CACNA1H: variants seen among roughly 807,000 people sequenced by gnomAD.
The protein encoded by CACNA1H is calcium voltage-gated channel subunit alpha1 H.
Under a neutral mutation model 192.5 loss-of-function variants are expected in CACNA1H, and 149 were observed. The observed-to-expected ratio is 0.77, with a 90% confidence interval of 0.68 to 0.89. CACNA1H has a LOEUF of 0.89. Among genes scored for constraint, CACNA1H ranks in the 40% least tolerant of loss-of-function variants. The pLI, the probability that CACNA1H is intolerant of heterozygous loss-of-function variation, is 0.00. For synonymous variants in CACNA1H, 2,202 were observed against 1,475.2 expected (o/e 1.49, Z -11.29); for missense variants, 4,257 against 3,423.5 (o/e 1.24, Z -6.08).
At chr16:1,160,383 G>A (rs1477827090) in intron 2 of CACNA1H, among the ~76,000 whole-genome samples, 3 of 152,214 alleles carry the variant, frequency 2.0e-5, no homozygotes, top group African/African-American at 7.2e-5. Flanking sequence ...AAGGGGTGAA[G>A]TCAGCCGGTC....
At position 1,195,481 on chromosome 16, in the gene CACNA1H, A is replaced by G. The variant is rs1377595127; in HGVS notation, c.461A>G (p.Lys154Arg). 6.3e-7 allele frequency: 1 copy of G among 1,588,130 alleles called. No homozygotes were observed. The highest frequency in any genetic ancestry group is 1.3e-5 in the African/African-American group (1 of 74,428). Residue 154 changes from lysine (K) to arginine (R), a missense_variant, in exon 4 of 35, where the codon AAG becomes AGG. Physicochemically the swap from Lys to Arg is conservative, Grantham distance 26. Transcript: ENST00000348261. ...TTTTTTGCGGTGGAGATGGTCATCA[A>G]GATGGTGGCCTTGGGGCTGTTCGGG... ...FAFFAVEMVI[K>R]MVALGLFGQK...
chr16:1,162,554 T>C (rs2151657165), intron 2 of CACNA1H, among the ~76,000 whole-genome samples: 1 of 151,314 alleles, frequency 6.6e-6, no homozygotes, highest in African/African-American at 2.4e-5. Flanking sequence ...GAGCCTCGGT[T>C]GGCACGGGGG....
At chr16:1,168,969 G>C (rs1964084664) in intron 2 of CACNA1H, among the ~76,000 whole-genome samples, 1 of 152,144 alleles carries the variant, frequency 6.6e-6, no homozygotes, top group Admixed American at 6.5e-5. Context: ...GGGTGAGTCT[G>C]CCCACAGTGG....
At chr16:1,215,127 TCTGGGGG>T (rs1045748807) in intron 28 of CACNA1H, 46 bp downstream of exon 28, 5 of 1,586,426 alleles carry the variant, frequency 3.2e-6, no homozygotes, top group South Asian at 2.3e-5. Flanking sequence ...CCCTCAGGGC[TCTGGGGG>T]CTGGGGGCAG....
chr16:1,174,786 C>T (rs942576952), intron 2 of CACNA1H, among the ~76,000 whole-genome samples: 1 of 152,244 alleles, frequency 6.6e-6, no homozygotes, highest in African/African-American at 2.4e-5. Flanking sequence ...GTTGGTGGAT[C>T]GATTCAGACA....
intron 11 of CACNA1H, 82 bp from the exon 12 acceptor site, chr16:1,206,022 C>A: frequency 1.5e-6 from 2 of 1,364,350 alleles, no homozygotes; most frequent in Non-Finnish European, 2.0e-6. Flanking sequence ...GGCTCCCTGG[C>A]TGGTGACCCT....
Position 1,153,342 on chromosome 16 carries a change from G to T in CACNA1H, c.-147G>T, listed in dbSNP as rs1961823562. On this transcript the variant is annotated 5_prime_UTR_variant, in exon 1 of 35. Coordinates refer to ENST00000348261, the MANE Select transcript of CACNA1H (RefSeq NM_021098.3). ...GACGCGGGCCGGGGGCGGAGGCGCT[G>T]GGGGCCGGGGCCGGGGCCGGGGGCG... The T allele has an allele frequency of 9.9e-6, 1 of 101,484 alleles. No individual in the cohort carries two copies. Among genetic ancestry groups the T allele is most frequent in the Non-Finnish European group, 2.4e-5 (1 of 40,946 alleles). The allele number at this position is 101,484 out of a possible 1,614,324, so 6.3% of individuals were successfully genotyped here.
intron 2 of CACNA1H, among the ~76,000 whole-genome samples, chr16:1,175,623 C>T (rs1253522841): frequency 6.6e-6 from 1 of 152,238 alleles, no homozygotes; most frequent in Non-Finnish European, 1.5e-5. Flanking sequence ...CGTCCATTTA[C>T]TCTCATGTCC....
intron 16 of CACNA1H, 82 bp from the exon 17 acceptor site, chr16:1,208,950 T>C: frequency 7.5e-7 from 1 of 1,324,586 alleles, no homozygotes; most frequent in Non-Finnish European, 9.8e-7. Flanking sequence ...ACGTGTGGCT[T>C]GCACACAGTG....
chr16:1,193,654 G>A (rs577161476), intron 2 of CACNA1H, among the ~76,000 whole-genome samples: 8 of 152,326 alleles, frequency 5.3e-5, no homozygotes, highest in Non-Finnish European at 8.8e-5. Flanking sequence ...CAGCAGAGGC[G>A]CCTGTTACCG....
In CACNA1H at chr16:1,216,959, C is replaced by G. The variant is rs750972279; in HGVS notation, c.5272C>G (p.Leu1758Val). Residue 1758 changes from leucine to valine, a missense_variant, in exon 31 of 35, where the codon CTC becomes GTC. Leu to Val is a conservative substitution (Grantham distance 32, BLOSUM62 1). Coordinates refer to ENST00000348261, the MANE Select transcript of CACNA1H (RefSeq NM_021098.3). Reference sequence around the variant, plus strand: ...GGGGAACCTGGGCCTTCTTTTCATGCTCCTGTTTTTTATCTATGCTGCGCT... The same window carrying G: ...GGGGAACCTGGGCCTTCTTTTCATGGTCCTGTTTTTTATCTATGCTGCGCT... ...QVGNLGLLFM[L>V]LFFIYAALGV... is the part of the protein sequence containing the mutation. 1.9e-6 allele frequency: 3 copies of G among 1,605,426 alleles called. No homozygotes were observed. Among genetic ancestry groups the G allele is most frequent in the South Asian group, 2.2e-5 (2 of 89,232 alleles).
chr16:1,200,625 G>A (rs1241427732), intron 7 of CACNA1H, 54 bp downstream of exon 7: 13 of 1,597,374 alleles, frequency 8.1e-6, no homozygotes, highest in Admixed American at 6.7e-5. Flanking sequence ...GGGAGCGGGT[G>A]CAGGACTCGC....
intron 2 of CACNA1H, among the ~76,000 whole-genome samples, chr16:1,173,282 G>A (rs1964545362): frequency 6.6e-6 from 1 of 152,120 alleles, no homozygotes; most frequent in Non-Finnish European, 1.5e-5. Context: ...GGGTGGCATC[G>A]GGAGGCCCAG....
chr16:1,198,501 C>T (rs557437659), intron 5 of CACNA1H, 114 bp from the exon 6 acceptor site: 79 of 1,116,722 alleles, frequency 7.1e-5, no homozygotes, highest in Middle Eastern at 2.5e-4. Flanking sequence ...GTGCAGTGGG[C>T]GTGGACACCC....
At chr16:1,161,408 G>A (rs1031526034) in intron 2 of CACNA1H, among the ~76,000 whole-genome samples, 6 of 152,190 alleles carry the variant, frequency 3.9e-5, no homozygotes, top group Admixed American at 3.9e-4. Context: ...CCTGGCCGGA[G>A]GTGGTTGTCT....
chr16:1,202,128 C>A lies in CACNA1H; in HGVS notation c.1678C>A (p.Pro560Thr). Residue 560 changes from proline (P) to threonine (T), a missense_variant, in exon 9 of 35, where the codon CCT (proline) becomes ACT (threonine). Physicochemically the swap from Pro to Thr is conservative, Grantham distance 38. Coordinates refer to ENST00000348261, the MANE Select transcript of CACNA1H (RefSeq NM_021098.3). ...LVRAGAPPSP[P>T]SPGRGPPDAE... The stretch of plus-strand genomic sequence containing the variant: ...CCGAGCTGGCGCGCCCCCCTCGCCA[C>A]CTTCCCCAGGCCGCGGACCCCCCGA... 1 of 1,547,942 alleles carries A rather than the reference C, an allele frequency of 6.5e-7. No homozygotes were observed.
In CACNA1H at chr16:1,215,248, C is replaced by A; in HGVS notation, c.5046C>A (p.Asn1682Lys). The A allele has an allele frequency of 6.2e-7, 1 of 1,602,770 alleles. No individual in the cohort carries two copies. Among genetic ancestry groups the A allele is most frequent in the Non-Finnish European group, 8.5e-7 (1 of 1,174,548 alleles). ...GFRRFFKDRW[N>K]QLDLAIVLLS... is the part of the protein sequence containing the mutation. ...TGAGCCTCCGGCCACACAGGTGGAA[C>A]CAGCTGGACCTGGCCATCGTGCTGC... is the stretch of plus-strand genomic sequence containing the variant. Residue 1682 changes from asparagine to lysine, a missense_variant, in exon 29 of 35, where the codon AAC becomes AAA. Coordinates refer to ENST00000348261, the MANE Select transcript of CACNA1H (RefSeq NM_021098.3).
At chr16:1,168,103 T>C (rs918360014) in intron 2 of CACNA1H, among the ~76,000 whole-genome samples, 13 of 151,404 alleles carry the variant, frequency 8.6e-5, no homozygotes, top group African/African-American at 3.2e-4. Context: ...CCCCGAGAGG[T>C]GGACCAGAAT....
intron 2 of CACNA1H, among the ~76,000 whole-genome samples, chr16:1,172,910 C>G (rs999506121): frequency 6.7e-6 from 1 of 149,546 alleles, no homozygotes; most frequent in African/African-American, 2.5e-5. Flanking sequence ...CTCGCAGTCA[C>G]TGGCCCTAAG....
Sources: gnomAD v4.1 joint callset for allele counts (sites outside exome capture counted in the v4.1 genomes callset) on GRCh38, gnomAD v4.1.1 for gene constraint, MANE v1.5 for transcripts, NCBI Gene and HGNC (gene_info 2026-07-23, HGNC 2026-07-21) for gene names.